GXYLT2: variants seen among roughly 807,000 people sequenced by gnomAD.
GXYLT2 encodes the protein glucoside xylosyltransferase 2.
Under a neutral mutation model 45.8 loss-of-function variants are expected in GXYLT2, and 53 were observed. The observed-to-expected ratio is 1.16, with a 90% CI of 0.93 to 1.46. The LOEUF (loss-of-function observed/expected upper bound fraction) is 1.46. Among genes scored for constraint, GXYLT2 ranks in the 40% most tolerant of loss-of-function variants. The pLI, the probability that GXYLT2 is intolerant of heterozygous loss-of-function variation, is 0.00. For missense variants in GXYLT2, 551 were observed against 544.4 expected, an observed-to-expected ratio of 1.01 and a Z score of -0.12; for synonymous variants, 219 against 214.2, an observed-to-expected ratio of 1.02 and a Z score of -0.19.
At chr3:72,922,559 C>T (rs1709850308) in intron 3 of GXYLT2, among the ~76,000 whole-genome samples, 1 of 152,184 alleles carries the variant, frequency 6.6e-6, no homozygotes, top group African/African-American at 2.4e-5. Flanking sequence ...TGTCTTGGAT[C>T]ATTGGTCTTT....
At chr3:72,900,229 G>A (rs1709378104) in intron 1 of GXYLT2, among the ~76,000 whole-genome samples, 1 of 152,188 alleles carries the variant, frequency 6.6e-6, no homozygotes, top group African/African-American at 2.4e-5. Flanking sequence ...GCACGTTTGA[G>A]ACTTTTAAGC....
chr3:72,974,470 T>C (rs17742965), intron 6 of GXYLT2, among the ~76,000 whole-genome samples: 11,461 of 152,264 alleles, frequency 0.075, 473 homozygotes, highest in South Asian at 0.11. Context: ...ATTGTTTTGT[T>C]GTAGTAGATT....
chr3:72,901,772 G>A (rs922955140), intron 1 of GXYLT2, among the ~76,000 whole-genome samples: 1 of 151,620 alleles, frequency 6.6e-6, no homozygotes, highest in African/African-American at 2.4e-5. Context: ...TGTTGGTCAG[G>A]CTGGTCTCAA....
Position 72,957,306 on chromosome 3 carries a change from G to T in GXYLT2, c.930G>T (p.Thr310=), listed in dbSNP as rs147613236. 890 of 1,613,366 alleles carry T rather than the reference G, an allele frequency of 5.5e-4. 3 individuals carry two copies. In the African/African-American group the frequency reaches 0.011, roughly 19 times the overall value. Reference sequence around the variant, plus strand: ...ACCAGAAGTACAAGAATGCCATCACGTGGGGAGACCAGGATTTATTAAATA... The same window carrying T: ...ACCAGAAGTACAAGAATGCCATCACTTGGGGAGACCAGGATTTATTAAATA... The part of the protein sequence containing the change: ...PLYQKYKNAI[T]WGDQDLLNII... Residue 310 remains threonine, a synonymous_variant, in exon 5 of 7, where the codon ACG becomes ACT. Coordinates refer to ENST00000389617, the MANE Select transcript of GXYLT2 (RefSeq NM_001080393.2).
rs571154988 is a variant in GXYLT2 at position 72,967,807 on chromosome 3, A to G, written c.1149+88A>G. 21 of 1,080,184 alleles carry G rather than the reference A, an allele frequency of 1.9e-5. No homozygotes were observed. The African/African-American group carries it at 2.8e-4, about 14-fold the overall frequency. The allele number at this position is 1,080,184 out of a possible 1,614,324, so 66.9% of individuals were successfully genotyped here. On this transcript the variant is annotated intron_variant, in intron 6 of 6. Coordinates refer to ENST00000389617, the MANE Select transcript of GXYLT2 (RefSeq NM_001080393.2). Reference sequence around the variant, plus strand: ...TAGTCACCTGTCCCTTTGAAGGCCAAATATTCCCAAAGCATAGAGTTATAC... The same window carrying G: ...TAGTCACCTGTCCCTTTGAAGGCCAGATATTCCCAAAGCATAGAGTTATAC...
At chr3:72,954,239 G>A (rs879600904) in intron 3 of GXYLT2, among the ~76,000 whole-genome samples, 3 of 151,886 alleles carry the variant, frequency 2.0e-5, no homozygotes, top group Admixed American at 6.6e-5. Flanking sequence ...TCCTGAGTAG[G>A]TGGGACTACA....
chr3:72,935,012 G>A (rs1171043096), intron 3 of GXYLT2, among the ~76,000 whole-genome samples: 1 of 152,154 alleles, frequency 6.6e-6, no homozygotes, highest in Non-Finnish European at 1.5e-5. Flanking sequence ...AATATGAATA[G>A]AGATCCAGTG....
At chr3:72,889,152 ACT>A (rs1709128483) in intron 1 of GXYLT2, among the ~76,000 whole-genome samples, 1 of 152,040 alleles carries the variant, frequency 6.6e-6, no homozygotes, top group East Asian at 1.9e-4. Context: ...TCTGTTTGAT[ACT>A]CTCTTTCCCT....
intron 2 of GXYLT2, among the ~76,000 whole-genome samples, chr3:72,915,338 CT>C (rs34611815): frequency 1.8e-3 from 86 of 48,746 alleles, no homozygotes; most frequent in Admixed American, 3.6e-3. Flanking sequence ...TACCCATTTC[CT>C]TTTTTTTTTT....
chr3:72,950,545 C>A (rs536340472), intron 3 of GXYLT2, among the ~76,000 whole-genome samples: 3 of 151,896 alleles, frequency 2.0e-5, no homozygotes, highest in Non-Finnish European at 4.4e-5. Context: ...ATGAGAGGAA[C>A]ACTTGAGCCT....
intron 3 of GXYLT2, 101 bp downstream of exon 3, chr3:72,922,436 T>C: frequency 8.4e-7 from 1 of 1,185,852 alleles, no homozygotes; most frequent in Non-Finnish European, 1.2e-6. Flanking sequence ...GCTGAAAACC[T>C]GTGTCTCTTG....
intron 1 of GXYLT2, among the ~76,000 whole-genome samples, chr3:72,899,284 C>T (rs1253654473): frequency 6.6e-6 from 1 of 152,180 alleles, no homozygotes; most frequent in Non-Finnish European, 1.5e-5. Flanking sequence ...AATACAGCCT[C>T]ATTTCAGATA....
rs80330153 is a variant in GXYLT2, at chr3:72,894,769, A to G, written c.275+6261A>G. On this transcript the variant is annotated intron_variant, in intron 1 of 6. Coordinates refer to ENST00000389617, the MANE Select transcript of GXYLT2 (RefSeq NM_001080393.2). ...CCAGGTGGAGGTTGTTGAGGGGAGGATGGCAAGTGAAAACGCTATAATATG... is the reference window on the plus strand; with the variant it reads ...CCAGGTGGAGGTTGTTGAGGGGAGGGTGGCAAGTGAAAACGCTATAATATG... Among the ~76,000 whole-genome samples, 990 of 152,290 alleles carry G rather than the reference A, an allele frequency of 6.5e-3. 13 individuals are homozygous for G. The highest frequency in any genetic ancestry group is 0.023 in the African/African-American group (946 of 41,560).
At chr3:72,939,046 C>A (rs1242197480) in intron 3 of GXYLT2, among the ~76,000 whole-genome samples, 2 of 152,124 alleles carry the variant, frequency 1.3e-5, no homozygotes, top group African/African-American at 4.8e-5. Flanking sequence ...TGTAATTCCA[C>A]AAGGGGGCAC....
rs6794462 is a variant in GXYLT2 at position 72,969,479 on chromosome 3, G to C, written c.1149+1760G>C. Among the ~76,000 whole-genome samples, 791 of 152,072 alleles carry C rather than the reference G, an allele frequency of 5.2e-3. 7 individuals carry two copies. Among genetic ancestry groups the C allele is most frequent in the African/African-American group, 0.018 (758 of 41,464 alleles). On this transcript the variant is annotated intron_variant, in intron 6 of 6. Coordinates refer to ENST00000389617, the MANE Select transcript of GXYLT2 (RefSeq NM_001080393.2). ...GTAAATAAAGTCATATTGGGAACCA[G>C]TGACACCTATTCATTTATGTATTGT...
At chr3:72,972,164 G>A (rs1575821059) in intron 6 of GXYLT2, among the ~76,000 whole-genome samples, 1 of 152,000 alleles carries the variant, frequency 6.6e-6, no homozygotes, top group African/African-American at 2.4e-5. Context: ...CCTAACCTGT[G>A]TGTTTGTGTG....
intron 1 of GXYLT2, chr3:72,908,145 G>T: frequency 1.9e-6 from 1 of 513,558 alleles, no homozygotes; most frequent in Non-Finnish European, 3.5e-6. Flanking sequence ...ACCTATAGCA[G>T]TCCAAACAGT....
intron 3 of GXYLT2, among the ~76,000 whole-genome samples, chr3:72,936,059 A>G (rs1331403853): frequency 6.6e-6 from 1 of 152,158 alleles, no homozygotes; most frequent in Non-Finnish European, 1.5e-5. Context: ...TGGGAGGCCA[A>G]AGTGGGTGGA....
At chr3:72,964,332 C>CT (rs912047645) in intron 5 of GXYLT2, among the ~76,000 whole-genome samples, 1 of 150,496 alleles carries the variant, frequency 6.6e-6, no homozygotes, top group Non-Finnish European at 1.5e-5. Flanking sequence ...TTTTTCTTTT[C>CT]TTTTTTTTGA....
Sources: allele counts gnomAD v4.1 joint callset (sites outside exome capture counted in the v4.1 genomes callset), GRCh38; gene constraint gnomAD v4.1.1; transcripts MANE v1.5; gene names NCBI Gene and HGNC (gene_info 2026-07-23, HGNC 2026-07-21).